KLHL12: variants seen among roughly 807,000 people sequenced by gnomAD.
The protein encoded by KLHL12 is kelch-like protein 12.
A neutral mutation model predicts 60.8 loss-of-function variants in KLHL12; 17 were observed. The ratio of observed to expected loss-of-function variants is 0.28; its 90% CI spans 0.19 to 0.42. KLHL12 has a LOEUF of 0.42. Among genes scored for constraint, KLHL12 ranks in the 10% least tolerant of loss-of-function variants. The pLI, the probability that KLHL12 is intolerant of heterozygous loss-of-function variation, is 1.00. For synonymous variants in KLHL12, 220 were observed against 250.9 expected, an observed-to-expected ratio of 0.88 and a Z score of 1.16; for missense variants, 468 against 722.3, an observed-to-expected ratio of 0.65 and a Z score of 4.04.
At chr1:202,892,757 G>T in intron 11 of KLHL12, 98 bp from the exon 12 acceptor site, 1 of 1,327,306 alleles carries the variant, frequency 7.5e-7, no homozygotes, top group Non-Finnish European at 1.0e-6. Flanking sequence ...TAAGAGGATT[G>T]CTTAAGCCCA....
chr1:202,905,421 AAGAACTGGTAACCC>A (rs1660151459), intron 6 of KLHL12, among the ~76,000 whole-genome samples: 1 of 152,212 alleles, frequency 6.6e-6, no homozygotes, highest in Non-Finnish European at 1.5e-5. Flanking sequence ...TGTTGATATA[AAGAACTGGTAACCC>A]AGAGAAGTTA....
At chr1:202,924,044 G>C (rs574867610) in intron 2 of KLHL12, among the ~76,000 whole-genome samples, 1 of 152,134 alleles carries the variant, frequency 6.6e-6, no homozygotes, top group African/African-American at 2.4e-5. Flanking sequence ...CTTAAAATGA[G>C]ACTTGGGATC....
intron 4 of KLHL12, among the ~76,000 whole-genome samples, chr1:202,914,029 A>G (rs1286868528): frequency 6.6e-6 from 1 of 152,198 alleles, no homozygotes; most frequent in African/African-American, 2.4e-5. Context: ...CAGCTTGAGG[A>G]AATGACTAGA....
At chr1:202,927,746 G>A (rs964875557), upstream of KLHL12, among the ~76,000 whole-genome samples, 1 of 149,868 alleles carries the variant, frequency 6.7e-6, no homozygotes, top group African/African-American at 2.5e-5. Flanking sequence ...TTGGGAGGCC[G>A]AGGCGGGTGT....
At chr1:202,894,938 T>G (rs1360527859) in intron 8 of KLHL12, among the ~76,000 whole-genome samples, 189 bp from the exon 9 acceptor site, 1 of 152,114 alleles carries the variant, frequency 6.6e-6, no homozygotes, top group East Asian at 1.9e-4. Flanking sequence ...ACAAAATCCT[T>G]AAAAGCATTC....
Position 202,918,314 on chromosome 1 carries a change from C to G in KLHL12, c.424G>C (p.Ala142Pro), listed in dbSNP as rs770877593. The G allele has an allele frequency of 6.2e-7, 1 of 1,614,032 alleles. No homozygotes were observed. Among genetic ancestry groups the G allele is most frequent in the Non-Finnish European group, 8.5e-7 (1 of 1,180,030 alleles). The change falls in exon 4 of 12, where the codon GCT (alanine) becomes CCT (proline). Residue 142 changes from alanine to proline, a missense_variant. Around this residue, in one of 4 missense-constraint regions of KLHL12, gnomAD observed 339 missense variants for 525.0 expected, o/e 0.65. Coordinates refer to ENST00000367261, the MANE Select transcript of KLHL12 (RefSeq NM_021633.4). ...AGGTCAACACAATTGTGGGTTTCAG[C>G]AAAATCCCTAATACCCAGGCAATTA... ...PSNCLGIRDF[A>P]ETHNCVDLMQ...
chr1:202,926,948 C>T lies in KLHL12; in HGVS notation c.-46+141G>A, dbSNP rs1257025894. The T allele has an allele frequency of 6.8e-6, 4 of 589,726 alleles. No individual in the cohort carries two copies. In the East Asian group the frequency reaches 4.2e-4, roughly 62 times the overall value. 36.5% of individuals were successfully genotyped at this position (589,726 alleles called of 1,614,324 possible). A position where few individuals can be genotyped will look rare whatever the true frequency, so the allele number is the denominator to read the frequency against. On this transcript the variant is annotated intron_variant, in intron 1 of 11. Transcript: ENST00000367261. ...GGGTGACCGAGGCCAGATGCCCCAC[C>T]CCACTGCCAGCCTTCCTCCTCTGTT...
chr1:202,918,124 T>C, intron 4 of KLHL12, 47 bp downstream of exon 4: 1 of 1,407,518 alleles, frequency 7.1e-7, no homozygotes, highest in South Asian at 1.2e-5. Context: ...GCAAGTTTTG[T>C]AATTGCCCAA....
rs1196290918 is a variant in KLHL12 at position 202,906,627 on chromosome 1, A to C, written c.832+2383T>G. The stretch of plus-strand genomic sequence containing the variant: ...TCAACTGTACATGTAAAAATGGTTA[A>C]GATGGTAAATTTTATGCTAAATATA... On this transcript the variant is annotated intron_variant, in intron 6 of 11. Transcript: ENST00000367261. Among the ~76,000 whole-genome samples, 8 of 152,140 alleles carry C rather than the reference A, an allele frequency of 5.3e-5. No individual in the cohort carries two copies. The East Asian group carries it at 1.5e-3, about 29-fold the overall frequency.
chr1:202,902,416 C>A (rs1482036775), intron 6 of KLHL12, among the ~76,000 whole-genome samples: 1 of 150,956 alleles, frequency 6.6e-6, no homozygotes, highest in Non-Finnish European at 1.5e-5. Flanking sequence ...GGTAACAGAG[C>A]GAGACTCCGT....
intron 1 of KLHL12, among the ~76,000 whole-genome samples, chr1:202,925,445 T>A (rs1653493025): frequency 6.6e-6 from 1 of 152,186 alleles, no homozygotes; most frequent in Non-Finnish European, 1.5e-5. Context: ...CACTTGACAT[T>A]TAATATGATC....
chr1:202,893,283 A>G lies in KLHL12; in HGVS notation c.1536T>C (p.Tyr512=), dbSNP rs140963884. The change falls in exon 11 of 12, where the codon TAT becomes TAC. Residue 512 remains tyrosine (Y), a synonymous_variant. Coordinates refer to ENST00000367261, the MANE Select transcript of KLHL12 (RefSeq NM_021633.4). The surrounding 1 kb of genome is among the most constrained non-coding windows in gnomAD (Gnocchi z 4.1). ...TCCCCCGAAGCACTGTGGCCCCTAC[A>G]TAGCATCGTGGAGTGGTCATACTGG... is the stretch of plus-strand genomic sequence containing the variant. ...TVTSMTTPRC[Y]VGATVLRGRL... 1 of 1,612,690 alleles carries G rather than the reference A, an allele frequency of 6.2e-7. No homozygotes were observed. The highest frequency in any genetic ancestry group is 8.5e-7 in the Non-Finnish European group (1 of 1,179,780).
intron 4 of KLHL12, among the ~76,000 whole-genome samples, chr1:202,916,522 T>C (rs1415307440): frequency 1.3e-5 from 2 of 151,442 alleles, no homozygotes; most frequent in African/African-American, 2.4e-5. Context: ...TGGGCGCCTG[T>C]AGTCCCAGCT....
chr1:202,900,332 C>T (rs1296640794), intron 6 of KLHL12, among the ~76,000 whole-genome samples: 1 of 150,674 alleles, frequency 6.6e-6, no homozygotes, highest in African/African-American at 2.4e-5. Context: ...TTCCTTGCGC[C>T]CAGGGGTTCG....
intron 4 of KLHL12, chr1:202,912,469 TG>T: frequency 1.1e-6 from 1 of 874,916 alleles, no homozygotes; most frequent in Non-Finnish European, 1.9e-6. Flanking sequence ...GTGGTGGTGG[TG>T]GTGGATATGG....
chr1:202,899,839 A>T lies in KLHL12; in HGVS notation c.833-2879T>A, dbSNP rs1323783419. ...CTCCATCTCAAAAAAAAAAAAAAAA[A>T]ATAATAATAATAAATAAAAAAATCA... On this transcript the variant is annotated intron_variant, in intron 6 of 11. Coordinates refer to ENST00000367261, the MANE Select transcript of KLHL12 (RefSeq NM_021633.4). Among the ~76,000 whole-genome samples the T allele has an allele frequency of 3.7e-5, 4 of 107,610 alleles. No homozygotes were observed. The South Asian group carries it at 1.3e-3, about 35-fold the overall frequency. The allele number at this position is 107,610 out of a possible 152,430, so 70.6% of individuals were successfully genotyped here. A position where few individuals can be genotyped will look rare whatever the true frequency, so the allele number is the denominator to read the frequency against.
chr1:202,894,750 C>A lies in KLHL12; in HGVS notation c.1136-1G>T, dbSNP rs1448758194. On this transcript the variant is annotated splice_acceptor_variant, in intron 8 of 11. Coordinates refer to ENST00000367261, the MANE Select transcript of KLHL12 (RefSeq NM_021633.4). LOFTEE classifies it high-confidence loss of function. ...AAGCCTCCAGAGACATAGATCATAT[C>A]TGCTCAGAATAAACAAATTACAGAC... The A allele has an allele frequency of 6.2e-7, 1 of 1,612,468 alleles. No individual in the cohort carries two copies. Among genetic ancestry groups the A allele is most frequent in the African/African-American group, 1.3e-5 (1 of 74,904 alleles).
At chr1:202,913,380 A>T (rs920846284) in intron 4 of KLHL12, among the ~76,000 whole-genome samples, 1 of 152,064 alleles carries the variant, frequency 6.6e-6, no homozygotes, top group Non-Finnish European at 1.5e-5. Context: ...GTGAATAGAT[A>T]AAAAAAACTT....
chr1:202,901,458 CTT>C lies in KLHL12; in HGVS notation c.833-4500_833-4499del, dbSNP rs56658940. ...AGTGTGTGCCACCAAACCCAGCTAC[CTT>C]TTTTTTTTTTTTTTAATTTTTTAAA... On this transcript the variant is annotated intron_variant, in intron 6 of 11. Transcript: ENST00000367261. Among the ~76,000 whole-genome samples, 868 of 141,898 alleles carry C rather than the reference CTT, an allele frequency of 6.1e-3. 2 individuals carry two copies. The highest frequency in any genetic ancestry group is 0.04 in the East Asian group (194 of 4,846). The allele number at this position is 141,898 out of a possible 152,430, so 93.1% of individuals were successfully genotyped here.
Sources: gnomAD v4.1 joint callset for allele counts (sites outside exome capture counted in the v4.1 genomes callset) on GRCh38, gnomAD v4.1.1 for gene constraint, gnomAD v4.1.1 regional missense constraint, Gnocchi (gnomAD v3.1) non-coding constraint, MANE v1.5 for transcripts, NCBI Gene and HGNC (gene_info 2026-07-23, HGNC 2026-07-21) for gene names.